Variants in SKAP1 observed in about 807,000 individuals in gnomAD.
SKAP1 encodes src kinase-associated phosphoprotein 1.
A neutral mutation model predicts 58.5 loss-of-function variants in SKAP1; 44 were observed. That is an observed-to-expected ratio of 0.75 (90% CI 0.59 to 0.97). SKAP1 has a LOEUF of 0.97. SKAP1 is among the 50% of genes least tolerant of loss of function. The probability of loss-of-function intolerance (pLI) is 0.00; values close to 1 mark genes in which losing one functional copy is unlikely to be tolerated. For missense variants in SKAP1, 390 were observed against 435.2 expected, an observed-to-expected ratio of 0.90 and a Z score of 0.92; for synonymous variants, 127 against 149.7, an observed-to-expected ratio of 0.85 and a Z score of 1.11.
intron 4 of SKAP1, among the ~76,000 whole-genome samples, chr17:48,218,209 A>T (rs2064962988): frequency 6.6e-6 from 1 of 152,230 alleles, no homozygotes; most frequent in African/African-American, 2.4e-5. Flanking sequence ...CCTGGGGCTG[A>T]GACAGTAAGA....
chr17:48,265,751 C>T (rs1381446064), intron 4 of SKAP1, among the ~76,000 whole-genome samples: 1 of 152,082 alleles, frequency 6.6e-6, no homozygotes, highest in African/African-American at 2.4e-5. Flanking sequence ...CTCTTTCCCT[C>T]CCCCCATGAA....
chr17:48,330,587 T>C (rs1161569079), intron 4 of SKAP1, among the ~76,000 whole-genome samples: 1 of 152,250 alleles, frequency 6.6e-6, no homozygotes, highest in East Asian at 1.9e-4. Flanking sequence ...GGAAGCATTC[T>C]GCAACCCGCC....
intron 4 of SKAP1, among the ~76,000 whole-genome samples, chr17:48,249,671 A>C (rs986515854): frequency 2.6e-5 from 4 of 152,118 alleles, no homozygotes; most frequent in African/African-American, 7.2e-5. Context: ...GTCTTAAAAA[A>C]AAAACAAAAC....
chr17:48,217,714 T>C (rs546576711), intron 4 of SKAP1, among the ~76,000 whole-genome samples: 10 of 152,074 alleles, frequency 6.6e-5, no homozygotes, highest in Non-Finnish European at 1.2e-4. Context: ...ATATCTCTTA[T>C]CCAAAAGAAA....
At chr17:48,422,905 C>T (rs1363670908) in intron 1 of SKAP1, among the ~76,000 whole-genome samples, 1 of 152,076 alleles carries the variant, frequency 6.6e-6, no homozygotes, top group East Asian at 1.9e-4. Flanking sequence ...ATAATGAAAG[C>T]AATGACAGAT....
In SKAP1 at chr17:48,419,229, T is replaced by C. The variant is rs139175315; in HGVS notation, c.46+10846A>G. Among the ~76,000 whole-genome samples the C allele has an allele frequency of 5.2e-3, 787 of 151,774 alleles. 7 individuals are homozygous for C. Among genetic ancestry groups the C allele is most frequent in the Middle Eastern group, 0.034 (10 of 292 alleles). On this transcript the variant is annotated intron_variant, in intron 1 of 12. Transcript: ENST00000336915. ...TCAATTTTTGCATCAACCTAATAGA[T>C]GGATGAATGGATAAAAGGGCTCATA...
chr17:48,242,480 C>T (rs1462000799), intron 4 of SKAP1, among the ~76,000 whole-genome samples: 2 of 152,174 alleles, frequency 1.3e-5, no homozygotes, highest in Middle Eastern at 3.4e-3. Context: ...GCTGATGGCT[C>T]GCATAAAAGC....
At chr17:48,256,843 T>C (rs533074261) in intron 4 of SKAP1, among the ~76,000 whole-genome samples, 2 of 152,126 alleles carry the variant, frequency 1.3e-5, no homozygotes, top group East Asian at 1.9e-4. Context: ...TTATTAATGA[T>C]GGTGAAATAC....
the SKAP1 span, among the ~76,000 whole-genome samples, chr17:48,435,780 G>C: frequency 6.6e-6 from 1 of 152,204 alleles, no homozygotes. Context: ...AGAAGGGGCA[G>C]TTATTTAGAA....
intron 2 of SKAP1, among the ~76,000 whole-genome samples, chr17:48,382,813 C>T (rs2067232611): frequency 6.6e-6 from 1 of 152,276 alleles, no homozygotes; most frequent in Non-Finnish European, 1.5e-5. Flanking sequence ...GACTGAACAA[C>T]CAAAAGTATC....
intron 4 of SKAP1, among the ~76,000 whole-genome samples, chr17:48,341,522 GTTC>G (rs2066652212): frequency 6.6e-6 from 1 of 152,054 alleles, no homozygotes; most frequent in African/African-American, 2.4e-5. Flanking sequence ...TAAAAAAAGG[GTTC>G]TTTTTATTTC....
intron 4 of SKAP1, among the ~76,000 whole-genome samples, chr17:48,260,237 A>C (rs910461911): frequency 2.0e-5 from 3 of 152,168 alleles, no homozygotes; most frequent in Non-Finnish European, 2.9e-5. Context: ...AAATACATAA[A>C]TTTAAAACTA....
chr17:48,243,175 C>T (rs1480010250), intron 4 of SKAP1, among the ~76,000 whole-genome samples: 4 of 152,162 alleles, frequency 2.6e-5, no homozygotes, highest in African/African-American at 9.7e-5. Flanking sequence ...AACTTAACTA[C>T]AGGACTCTCC....
At chr17:48,155,105 CATGATG>C (rs1201674639) in intron 11 of SKAP1, among the ~76,000 whole-genome samples, 91 of 150,622 alleles carry the variant, frequency 6.0e-4, no homozygotes, top group African/African-American at 2.0e-3. Context: ...GTGGAACAAG[CATGATG>C]ATGATGATGA....
intron 9 of SKAP1, 91 bp downstream of exon 9, chr17:48,179,963 C>T (rs894470475): frequency 7.1e-6 from 9 of 1,259,610 alleles, no homozygotes; most frequent in Non-Finnish European, 9.9e-6. Flanking sequence ...TTAGATTTGG[C>T]TTCCTTTGGA....
chr17:48,307,698 T>C (rs1440541534), intron 4 of SKAP1: 2 of 152,226 alleles, frequency 1.3e-5, no homozygotes, highest in African/African-American at 4.8e-5. Flanking sequence ...CTTTATTGAA[T>C]TACAAAATGA....
chr17:48,157,507 T>G (rs1412074333), intron 11 of SKAP1, among the ~76,000 whole-genome samples: 1 of 147,340 alleles, frequency 6.8e-6, no homozygotes, highest in Non-Finnish European at 1.5e-5. Context: ...AGTGCTGGGG[T>G]TACAGGTGTA....
chr17:48,266,789 C>A (rs926548301), intron 4 of SKAP1, among the ~76,000 whole-genome samples: 1 of 152,140 alleles, frequency 6.6e-6, no homozygotes, highest in South Asian at 2.1e-4. Flanking sequence ...GGATTACAGG[C>A]ATGAGCCACC....
intron 3 of SKAP1, among the ~76,000 whole-genome samples, chr17:48,361,071 GTACTATACTATACTATACTA>G (rs67180445): frequency 7.6e-4 from 111 of 145,480 alleles, no homozygotes; most frequent in South Asian, 3.4e-3. Context: ...AACTTGTACT[GTACTATACTATACTATACTA>G]TACTATACTA....
Sources: allele counts gnomAD v4.1 joint callset (sites outside exome capture counted in the v4.1 genomes callset), GRCh38; gene constraint gnomAD v4.1.1; transcripts MANE v1.5; gene names NCBI Gene and HGNC (gene_info 2026-07-23, HGNC 2026-07-21).